TRRAP: variants seen among roughly 807,000 people sequenced by gnomAD.
TRRAP encodes transformation/transcription domain-associated protein.
A neutral mutation model predicts 438.8 loss-of-function variants in TRRAP; 41 were observed. The observed-to-expected ratio is 0.09, with a 90% CI of 0.07 to 0.12. The LOEUF (loss-of-function observed/expected upper bound fraction) is 0.12, where lower values mean the gene tolerates loss of function less well. TRRAP is among the 10% of genes least tolerant of loss of function. TRRAP has a pLI of 1.00. For missense variants in TRRAP, 3,122 were observed against 5,055.1 expected (o/e 0.62, Z 11.60); for synonymous variants, 1,994 against 1,962.9 (o/e 1.02, Z -0.42).
At chr7:98,961,952 A>G (rs1206238737) in intron 46 of TRRAP, among the ~76,000 whole-genome samples, 5 of 152,216 alleles carry the variant, frequency 3.3e-5, no homozygotes, top group Non-Finnish European at 5.9e-5. Flanking sequence ...CTCTCACTGA[A>G]TGTTGTCTGC....
At position 98,965,730 on chromosome 7, in the gene TRRAP, G is replaced by A; in HGVS notation, c.7011G>A (p.Leu2337=). ...AGCTGGTGATGCTGAGTCTGGAGCT[G>A]GTGAAGACGCGCCTGGCAGTGATGA... is the stretch of plus-strand genomic sequence containing the variant. ...TSELVMLSLE[L]VKTRLAVMSM... Residue 2337 remains leucine, a synonymous_variant, in exon 49 of 73, where the codon CTG becomes CTA. Transcript: ENST00000456197. 6.2e-7 allele frequency: 1 copy of A among 1,614,154 alleles called. No homozygotes were observed. The highest frequency in any genetic ancestry group is 8.5e-7 in the Non-Finnish European group (1 of 1,180,040).
At chr7:98,991,416 G>T (rs1447153488) in intron 64 of TRRAP, among the ~76,000 whole-genome samples, 2 of 152,198 alleles carry the variant, frequency 1.3e-5, no homozygotes, top group Non-Finnish European at 1.5e-5. Flanking sequence ...GCGATGCCCT[G>T]GTTTTCCTTG....
At chr7:98,954,423 T>A (rs1791495255) in intron 40 of TRRAP, among the ~76,000 whole-genome samples, 1 of 152,250 alleles carries the variant, frequency 6.6e-6, no homozygotes, top group South Asian at 2.1e-4. Context: ...CTTGTGAACC[T>A]CTGTGGTGTT....
chr7:98,966,513 C>T lies in TRRAP; in HGVS notation c.7177-528C>T, dbSNP rs187294319. ...CAGCCTGGCCAACATGGTGAAACCC[C>T]GTCTCTACTAAAAATACAAAAATTA... On this transcript the variant is annotated intron_variant, in intron 49 of 72. Transcript: ENST00000456197. 1.7e-3 allele frequency among the ~76,000 whole-genome samples: 266 copies of T among 152,062 alleles called. 2 individuals carry two copies. The highest frequency in any genetic ancestry group is 6.1e-3 in the African/African-American group (251 of 41,468).
chr7:98,984,405 C>T (rs1000945418), intron 61 of TRRAP, 47 bp downstream of exon 61: 3 of 1,483,178 alleles, frequency 2.0e-6, no homozygotes, highest in Admixed American at 2.3e-5. Flanking sequence ...AGATTGAGGC[C>T]AGGTGGAGAA....
At position 98,964,999 on chromosome 7, in the gene TRRAP, C is replaced by T. The variant is rs551392972; in HGVS notation, c.6976+224C>T. Among the ~76,000 whole-genome samples the T allele has an allele frequency of 9.8e-5, 15 of 152,292 alleles. No homozygotes were observed. In the South Asian group the frequency reaches 1.9e-3, roughly 19 times the overall value. ...TGGGTACGGTGGCACGCCTGTGGTC[C>T]CAGCTCCTCAGCGGGCTGAGGCAAG... On this transcript the variant is annotated intron_variant, in intron 48 of 72. Coordinates refer to ENST00000456197, the MANE Select transcript of TRRAP (RefSeq NM_001375524.1).
rs1320859100 is a variant in TRRAP at position 99,004,383 on chromosome 7, A to G, written c.10503A>G (p.Pro3501=). The change falls in exon 68 of 73, where the codon CCA becomes CCG. Residue 3501 remains proline, a synonymous_variant. Transcript: ENST00000456197. ...EVEIPGEFLM[P]KPTHYYIKIA... ...AAATTCCTGGGGAGTTTCTGATGCC[A>G]AAGCCAACGCATTATTACATCAAGA... 3.1e-6 allele frequency: 5 copies of G among 1,614,122 alleles called. No individual in the cohort carries two copies. In the South Asian group the frequency reaches 4.4e-5, roughly 14 times the overall value.
intron 14 of TRRAP, among the ~76,000 whole-genome samples, chr7:98,909,656 G>A (rs1487029715): frequency 1.3e-5 from 2 of 152,204 alleles, no homozygotes; most frequent in African/African-American, 4.8e-5. Flanking sequence ...CCCCAGGGGT[G>A]GTGGCGGGGC....
chr7:98,899,917 G>A, intron 10 of TRRAP, 150 bp downstream of exon 10: 1 of 764,388 alleles, frequency 1.3e-6, no homozygotes, highest in Non-Finnish European at 2.1e-6. Context: ...GTGTTTCAGG[G>A]ATGACAGTTG....
In TRRAP at chr7:99,008,425, A is replaced by G. The variant is rs558312482; in HGVS notation, c.10802A>G (p.Asn3601Ser). ...CCACAGATGCGCCTCGTGGAGGACA[A>G]CCCCTCTTCACTTTCCCTTGTGGAG... ...VSPQMRLVED[N>S]PSSLSLVEIY... Residue 3601 changes from asparagine (N) to serine (S), a missense_variant, in exon 70 of 73, where the codon AAC becomes AGC. By Grantham distance (46) the Asn-to-Ser change is conservative (BLOSUM62 1). This residue lies in a region of TRRAP where 38 missense variants were observed against 32.1 expected (regional missense o/e 1.18). Coordinates refer to ENST00000456197, the MANE Select transcript of TRRAP (RefSeq NM_001375524.1). 1.9e-6 allele frequency: 3 copies of G among 1,613,052 alleles called. No homozygotes were observed. The highest frequency in any genetic ancestry group is 2.2e-5 in the East Asian group (1 of 44,818).
intron 61 of TRRAP, among the ~76,000 whole-genome samples, chr7:98,984,688 C>T (rs755454132): frequency 3.9e-5 from 6 of 152,114 alleles, no homozygotes; most frequent in Non-Finnish European, 7.4e-5. Context: ...AACAATAAAA[C>T]CGACCAGACC....
intron 67 of TRRAP, among the ~76,000 whole-genome samples, chr7:99,002,327 T>C (rs1464360883): frequency 6.6e-6 from 1 of 152,220 alleles, no homozygotes; most frequent in Non-Finnish European, 1.5e-5. Flanking sequence ...GCTCTTCAGC[T>C]CTTTGGACTG....
chr7:98,982,023 C>T, intron 59 of TRRAP, 63 bp downstream of exon 59: 1 of 1,434,624 alleles, frequency 7.0e-7, no homozygotes, highest in Non-Finnish European at 9.1e-7. Flanking sequence ...CGCCGGTGTC[C>T]AGGCTTAGGT....
intron 48 of TRRAP, 52 bp downstream of exon 48, chr7:98,964,827 C>G (rs770449445): frequency 6.0e-5 from 94 of 1,562,098 alleles, no homozygotes; most frequent in Middle Eastern, 1.9e-4. Context: ...GAACAGAGAA[C>G]AGACTCTGTT....
chr7:98,911,313 CTTTG>C (rs782053077), intron 17 of TRRAP, 42 bp downstream of exon 17: 211 of 1,511,460 alleles, frequency 1.4e-4, no homozygotes, highest in African/African-American at 4.6e-4. Flanking sequence ...CATTACAATT[CTTTG>C]TTTATGTCTT....
intron 59 of TRRAP, 138 bp downstream of exon 59, chr7:98,982,098 A>C: frequency 2.4e-6 from 2 of 834,910 alleles, no homozygotes; most frequent in Non-Finnish European, 3.4e-6. Flanking sequence ...TCCCACTTAT[A>C]CGCGTCCTCA....
intron 47 of TRRAP, among the ~76,000 whole-genome samples, chr7:98,963,226 C>T (rs1344178123): frequency 1.3e-5 from 2 of 152,182 alleles, no homozygotes; most frequent in African/African-American, 4.8e-5. Context: ...CCTTGCTCTC[C>T]AAACTTGCCA....
At chr7:98,936,785 T>C (rs1230944670) in intron 28 of TRRAP, among the ~76,000 whole-genome samples, 2 of 152,214 alleles carry the variant, frequency 1.3e-5, no homozygotes, top group Non-Finnish European at 1.5e-5. Flanking sequence ...GTAAGATTTA[T>C]CATGGCTTTT....
At chr7:98,940,099 G>T (rs1018699537) in intron 30 of TRRAP, among the ~76,000 whole-genome samples, 4 of 151,938 alleles carry the variant, frequency 2.6e-5, no homozygotes, top group Non-Finnish European at 5.9e-5. Context: ...GGCCAGGCTG[G>T]TGTTGAACTC....
Sources: gnomAD v4.1 joint callset for allele counts (sites outside exome capture counted in the v4.1 genomes callset) on GRCh38, gnomAD v4.1.1 for gene constraint, gnomAD v4.1.1 regional missense constraint, MANE v1.5 for transcripts, NCBI Gene and HGNC (gene_info 2026-07-23, HGNC 2026-07-21) for gene names.